Variants in MAGI2 observed in about 807,000 individuals in gnomAD.
The protein encoded by MAGI2 is membrane associated guanylate kinase, WW and PDZ domain containing 2, also known as membrane-associated guanylate kinase, WW and PDZ domain-containing protein 2.
MAGI2 carries 35 observed loss-of-function variants against 133.3 expected under a neutral mutation model. The observed-to-expected ratio is 0.26, with a 90% confidence interval of 0.20 to 0.35. The LOEUF is 0.35. Ranked by LOEUF, MAGI2 falls within the 10% of genes least tolerant of loss-of-function variation. MAGI2 has a pLI of 1.00. For synonymous variants in MAGI2, 729 were observed against 710.6 expected (o/e 1.03, Z -0.41); for missense variants, 1,636 against 1,863.4 (o/e 0.88, Z 2.25).
At chr7:78,040,326 G>A (rs892827607) in intron 21 of MAGI2, among the ~76,000 whole-genome samples, 2 of 127,598 alleles carry the variant, frequency 1.6e-5, no homozygotes, top group African/African-American at 5.9e-5. Flanking sequence ...CTCTGTCCAA[G>A]CAGAGCGAGG....
At chr7:78,721,481 G>C (rs1403719542) in intron 2 of MAGI2, among the ~76,000 whole-genome samples, 5 of 151,994 alleles carry the variant, frequency 3.3e-5, no homozygotes, top group Non-Finnish European at 5.9e-5. Context: ...TGATACTTTA[G>C]AAAGCAGAGA....
At chr7:79,069,291 G>A (rs1814705593) in intron 1 of MAGI2, among the ~76,000 whole-genome samples, 2 of 152,020 alleles carry the variant, frequency 1.3e-5, no homozygotes, top group Admixed American at 1.3e-4. Context: ...TCCTGTATTG[G>A]GCGCATATAT....
rs563506122 is a variant in MAGI2 at position 78,672,735 on chromosome 7, C to G, written c.419-45496G>C. ...GGATATTAAAAATCCTGTGCCCCAT[C>G]CTGGGGCTGTTGAATCAGAAACTCT... On this transcript the variant is annotated intron_variant, in intron 2 of 21. Transcript: ENST00000354212. Among the ~76,000 whole-genome samples, 20 of 152,300 alleles carry G rather than the reference C, an allele frequency of 1.3e-4. 1 individual carries two copies. The highest frequency in any genetic ancestry group is 3.8e-4 in the African/African-American group (16 of 41,572).
intron 2 of MAGI2, among the ~76,000 whole-genome samples, chr7:78,755,671 G>A (rs770329714): frequency 6.6e-6 from 1 of 152,180 alleles, no homozygotes; most frequent in Non-Finnish European, 1.5e-5. Flanking sequence ...ACCAGTTGAT[G>A]GTATGGTTGG....
intron 3 of MAGI2, among the ~76,000 whole-genome samples, chr7:78,573,256 A>ATT (rs1491462320): frequency 1.8e-4 from 6 of 33,716 alleles, no homozygotes; most frequent in African/African-American, 5.0e-4. Context: ...AAATATATAT[A>ATT]AATATAAATA....
intron 2 of MAGI2, among the ~76,000 whole-genome samples, chr7:78,660,942 C>T (rs150429706): frequency 1.3e-5 from 2 of 152,116 alleles, no homozygotes; most frequent in Non-Finnish European, 2.9e-5. Flanking sequence ...ACTTGCAAAT[C>T]TTAACACCCA....
chr7:78,974,467 A>G (rs1804063331), intron 2 of MAGI2, among the ~76,000 whole-genome samples: 1 of 151,940 alleles, frequency 6.6e-6, no homozygotes, highest in African/African-American at 2.4e-5. Flanking sequence ...CACACTTAGT[A>G]AAGTAAAAAG....
chr7:78,241,122 A>G (rs1195583817), intron 10 of MAGI2, among the ~76,000 whole-genome samples: 2 of 152,000 alleles, frequency 1.3e-5, no homozygotes, highest in African/African-American at 4.8e-5. Flanking sequence ...AGTGCTGGGC[A>G]CACAGTTAGC....
chr7:78,736,691 C>T (rs1408850311), intron 2 of MAGI2, among the ~76,000 whole-genome samples: 1 of 151,980 alleles, frequency 6.6e-6, no homozygotes, highest in African/African-American at 2.4e-5. Flanking sequence ...GAAGCAGTGG[C>T]AAGTATAACT....
chr7:78,687,511 A>G (rs1338736807), intron 2 of MAGI2, among the ~76,000 whole-genome samples: 1 of 152,232 alleles, frequency 6.6e-6, no homozygotes, highest in Non-Finnish European at 1.5e-5. Flanking sequence ...TCAGCTCAGC[A>G]GAGACAAGAC....
At chr7:79,183,615 C>T (rs1318643944) in intron 1 of MAGI2, among the ~76,000 whole-genome samples, 1 of 151,754 alleles carries the variant, frequency 6.6e-6, no homozygotes, top group Non-Finnish European at 1.5e-5. Flanking sequence ...TTTGAAGAAC[C>T]TGCCCATTAT....
rs1585225178 is a variant in MAGI2, at chr7:78,732,222, T to C, written c.419-104983A>G. On this transcript the variant is annotated intron_variant, in intron 2 of 21. Transcript: ENST00000354212. ...GATAAAAGAGTACCTTCTGTTTATC[T>C]CCCAAGAATTCAGCTTGCCTGAGTG... Among the ~76,000 whole-genome samples the C allele has an allele frequency of 3.9e-5, 6 of 152,128 alleles. No homozygotes were observed. The South Asian group carries it at 1.2e-3, about 32-fold the overall frequency.
At chr7:79,270,859 A>C (rs4730747) in intron 1 of MAGI2, among the ~76,000 whole-genome samples, 91,616 of 151,878 alleles carry the variant, frequency 0.6, 29,291 homozygotes, top group Non-Finnish European at 0.7. Flanking sequence ...TAGTTTCTTC[A>C]TACCACTTTC....
intron 2 of MAGI2, among the ~76,000 whole-genome samples, chr7:78,777,144 G>A (rs1826048010): frequency 6.6e-6 from 1 of 152,154 alleles, no homozygotes. Flanking sequence ...GTTAAAGTTT[G>A]ATTACCCCAT....
intron 21 of MAGI2, among the ~76,000 whole-genome samples, chr7:78,075,611 C>T (rs917905099): frequency 1.3e-5 from 2 of 152,058 alleles, no homozygotes; most frequent in African/African-American, 4.8e-5. Context: ...CTCCTGACCT[C>T]GTGATCTGCC....
chr7:78,592,894 G>T (rs1468188209), intron 3 of MAGI2, among the ~76,000 whole-genome samples: 1 of 144,956 alleles, frequency 6.9e-6, no homozygotes, highest in African/African-American at 2.7e-5. Context: ...GAGGGCAGTG[G>T]TGCAATCTGA....
intron 1 of MAGI2, among the ~76,000 whole-genome samples, chr7:79,252,761 T>TA (rs997256058): frequency 8.5e-5 from 13 of 152,160 alleles, no homozygotes; most frequent in Non-Finnish European, 1.3e-4. Context: ...TATTAAAAAT[T>TA]AAAAAAATAT....
intron 19 of MAGI2, among the ~76,000 whole-genome samples, chr7:78,126,086 A>T (rs758434718): frequency 2.0e-5 from 3 of 152,172 alleles, no homozygotes; most frequent in Non-Finnish European, 4.4e-5. Context: ...TTTGGTATTC[A>T]TCAGTTTACT....
intron 2 of MAGI2, among the ~76,000 whole-genome samples, chr7:78,771,565 G>T (rs1247075909): frequency 6.6e-6 from 1 of 152,162 alleles, no homozygotes; most frequent in African/African-American, 2.4e-5. Context: ...AAACTTTTCA[G>T]TGTTAATAAC....
Sources: gnomAD v4.1 joint callset for allele counts (sites outside exome capture counted in the v4.1 genomes callset) on GRCh38, gnomAD v4.1.1 for gene constraint, MANE v1.5 for transcripts, NCBI Gene and HGNC (gene_info 2026-07-23, HGNC 2026-07-21) for gene names.